CDH8: variants seen among roughly 807,000 people sequenced by gnomAD.
CDH8 encodes the protein cadherin 8.
In CDH8, 17 loss-of-function variants were observed where a neutral mutation model predicts 68.1. That is an observed-to-expected ratio of 0.25 (90% CI 0.17 to 0.37). The LOEUF (loss-of-function observed/expected upper bound fraction) is 0.37. Among genes scored for constraint, CDH8 ranks in the 10% least tolerant of loss-of-function variants. The pLI is 1.00. For synonymous variants in CDH8, 372 were observed against 365.1 expected, an observed-to-expected ratio of 1.02 and a Z score of -0.21; for missense variants, 763 against 999.3, an observed-to-expected ratio of 0.76 and a Z score of 3.19.
At chr16:61,751,051 G>C (rs961375681) in intron 8 of CDH8, among the ~76,000 whole-genome samples, 1 of 151,920 alleles carries the variant, frequency 6.6e-6, no homozygotes, top group African/African-American at 2.4e-5. Context: ...CAAAGGAAGG[G>C]AAGAGAAAAA....
chr16:61,865,102 G>A (rs1963229041), intron 3 of CDH8, among the ~76,000 whole-genome samples: 2 of 152,136 alleles, frequency 1.3e-5, no homozygotes. Context: ...GTAGTGAAAT[G>A]TTGCTGCCAA....
intron 8 of CDH8, among the ~76,000 whole-genome samples, chr16:61,777,665 A>C (rs1037741921): frequency 6.6e-6 from 1 of 152,164 alleles, no homozygotes; most frequent in Non-Finnish European, 1.5e-5. Flanking sequence ...TGGTTGCAGA[A>C]CAAAGTAAAA....
intron 2 of CDH8, among the ~76,000 whole-genome samples, chr16:61,912,677 A>G (rs1414099955): frequency 1.3e-5 from 2 of 152,156 alleles, no homozygotes; most frequent in Non-Finnish European, 2.9e-5. Flanking sequence ...GTTGAATTAC[A>G]GTGACCAGAT....
intron 8 of CDH8, among the ~76,000 whole-genome samples, chr16:61,779,221 T>C (rs28679397): frequency 0.43 from 65,247 of 151,952 alleles, 14,948 homozygotes; most frequent in African/African-American, 0.59. Flanking sequence ...GTGAAGGACA[T>C]TTTAAAATGA....
chr16:62,030,449 TA>T (rs1214172233), intron 1 of CDH8, among the ~76,000 whole-genome samples: 1 of 152,142 alleles, frequency 6.6e-6, no homozygotes. Flanking sequence ...ATTCTGTTTA[TA>T]AAGCTCAACC....
intron 10 of CDH8, among the ~76,000 whole-genome samples, chr16:61,674,855 A>G (rs1028912668): frequency 6.6e-6 from 1 of 152,074 alleles, no homozygotes; most frequent in East Asian, 1.9e-4. Context: ...CTTTATCAAC[A>G]TATAAAGAAC....
At chr16:61,768,330 C>T (rs1960655696) in intron 8 of CDH8, among the ~76,000 whole-genome samples, 1 of 111,468 alleles carries the variant, frequency 9.0e-6, no homozygotes, top group Non-Finnish European at 1.9e-5. Flanking sequence ...CTCTCTCTCT[C>T]TCTCTCTCTC....
rs200929726 is a variant in CDH8, at chr16:61,959,542, C to G, written c.253-58069G>C. Among the ~76,000 whole-genome samples, 172 of 104,542 alleles carry G rather than the reference C, an allele frequency of 1.6e-3. 1 individual carries two copies. The highest frequency in any genetic ancestry group is 5.1e-3 in the Admixed American group (57 of 11,156). 68.6% of individuals were successfully genotyped at this position (104,542 alleles called of 152,430 possible). On this transcript the variant is annotated intron_variant, in intron 2 of 11. Coordinates refer to ENST00000577390, the MANE Select transcript of CDH8 (RefSeq NM_001796.5). ...ATCCTCCCTCTCTCTCTCTCTCTCTCTGTGTGTGTGTGTGTGTATATATAT... is the reference window on the plus strand; with the variant it reads ...ATCCTCCCTCTCTCTCTCTCTCTCTGTGTGTGTGTGTGTGTGTATATATAT...
chr16:61,834,115 G>A (rs1044907160), intron 4 of CDH8, among the ~76,000 whole-genome samples: 1 of 151,920 alleles, frequency 6.6e-6, no homozygotes, highest in African/African-American at 2.4e-5. Flanking sequence ...GAAGAAGAAA[G>A]AGAGAGAAAA....
chr16:61,943,105 T>C (rs1964749837), intron 2 of CDH8, among the ~76,000 whole-genome samples: 1 of 152,040 alleles, frequency 6.6e-6, no homozygotes, highest in South Asian at 2.1e-4. Context: ...AAAACACCAA[T>C]ACAGAAAATA....
At chr16:61,847,055 A>T (rs1962821405) in intron 4 of CDH8, among the ~76,000 whole-genome samples, 1 of 152,130 alleles carries the variant, frequency 6.6e-6, no homozygotes, top group Non-Finnish European at 1.5e-5. Context: ...TTTAGAAAGC[A>T]TCCATTTTTG....
At chr16:62,012,588 A>T (rs917139552) in intron 2 of CDH8, among the ~76,000 whole-genome samples, 7 of 152,204 alleles carry the variant, frequency 4.6e-5, no homozygotes, top group African/African-American at 1.7e-4. Context: ...GATAATTGAA[A>T]AATATATTAT....
chr16:61,751,658 G>T (rs1960169271), intron 8 of CDH8, among the ~76,000 whole-genome samples: 1 of 151,992 alleles, frequency 6.6e-6, no homozygotes, highest in Non-Finnish European at 1.5e-5. Flanking sequence ...CAAATGCAAG[G>T]TTAGCTTAAA....
At chr16:61,768,437 T>C (rs1960691703) in intron 8 of CDH8, among the ~76,000 whole-genome samples, 8 of 141,870 alleles carry the variant, frequency 5.6e-5, no homozygotes, top group African/African-American at 8.0e-5. Context: ...TCCCTCTCCC[T>C]CTCTCTCTCG....
At chr16:61,781,304 C>T (rs1409356568) in intron 8 of CDH8, among the ~76,000 whole-genome samples, 1 of 152,164 alleles carries the variant, frequency 6.6e-6, no homozygotes, top group East Asian at 1.9e-4. Context: ...GTAAAGGAGT[C>T]TATCTTATTT....
intron 3 of CDH8, among the ~76,000 whole-genome samples, chr16:61,858,253 T>C (rs1963086351): frequency 6.6e-6 from 1 of 152,086 alleles, no homozygotes. Context: ...TCAGGAACAT[T>C]TTCTAACAGA....
chr16:61,941,104 T>C (rs1418377419), intron 2 of CDH8, among the ~76,000 whole-genome samples: 1 of 152,192 alleles, frequency 6.6e-6, no homozygotes, highest in Non-Finnish European at 1.5e-5. Flanking sequence ...GCAAGATTGC[T>C]TTCCAACAAT....
intron 10 of CDH8, among the ~76,000 whole-genome samples, chr16:61,667,995 G>C (rs574960055): frequency 1.3e-5 from 2 of 151,990 alleles, no homozygotes; most frequent in Non-Finnish European, 2.9e-5. Flanking sequence ...AAAGCTCAAG[G>C]ATAAGAGAAA....
At chr16:61,698,109 G>A (rs887869150) in intron 10 of CDH8, among the ~76,000 whole-genome samples, 1 of 152,164 alleles carries the variant, frequency 6.6e-6, no homozygotes, top group Non-Finnish European at 1.5e-5. Flanking sequence ...GCTCTTTTGT[G>A]TGAAGCTACA....
Sources: gnomAD v4.1 joint callset for allele counts (sites outside exome capture counted in the v4.1 genomes callset) on GRCh38, gnomAD v4.1.1 for gene constraint, MANE v1.5 for transcripts, NCBI Gene and HGNC (gene_info 2026-07-23, HGNC 2026-07-21) for gene names.